SGCZ: variants seen among roughly 807,000 people sequenced by gnomAD.
SGCZ encodes the protein sarcoglycan zeta.
Under a neutral mutation model 41.3 loss-of-function variants are expected in SGCZ, and 40 were observed. The ratio of observed to expected loss-of-function variants is 0.97; its 90% confidence interval spans 0.75 to 1.26. SGCZ has a LOEUF of 1.26. SGCZ is among the 50% of genes most tolerant of loss of function. The probability of loss-of-function intolerance (pLI) is 0.00; values close to 1 mark genes in which losing one functional copy is unlikely to be tolerated. For synonymous variants in SGCZ, 206 were observed against 137.5 expected, an observed-to-expected ratio of 1.50 and a Z score of -3.49; for missense variants, 552 against 369.8, an observed-to-expected ratio of 1.49 and a Z score of -4.04.
Position 14,891,029 on chromosome 8 carries a change from A to T in SGCZ, c.40-336103T>A, listed in dbSNP as rs113982985. On this transcript the variant is annotated intron_variant, in intron 1 of 7. Transcript: ENST00000382080. Reference sequence around the variant, plus strand: ...AGAAAAACAAGATTCCTTTCTAAACATTCCTGCTTATTGACAATGCACCTA... The same window carrying T: ...AGAAAAACAAGATTCCTTTCTAAACTTTCCTGCTTATTGACAATGCACCTA... Among the ~76,000 whole-genome samples the T allele has an allele frequency of 2.0e-3, 303 of 152,316 alleles. 1 individual carries two copies. Among genetic ancestry groups the T allele is most frequent in the African/African-American group, 7.0e-3 (289 of 41,566 alleles).
intron 1 of SGCZ, among the ~76,000 whole-genome samples, chr8:15,224,861 G>A (rs750225987): frequency 6.6e-6 from 1 of 152,128 alleles, no homozygotes; most frequent in Non-Finnish European, 1.5e-5. Context: ...TAGCAGGGAT[G>A]AAGAAAGTCA....
intron 3 of SGCZ, among the ~76,000 whole-genome samples, chr8:14,318,558 G>A (rs77220419): frequency 0.036 from 5,532 of 152,036 alleles, 319 homozygotes; most frequent in African/African-American, 0.12. Flanking sequence ...ACAGTACATA[G>A]AGAGTGCTAG....
chr8:14,360,838 G>A (rs915438625), intron 2 of SGCZ, among the ~76,000 whole-genome samples: 30 of 152,068 alleles, frequency 2.0e-4, no homozygotes, highest in African/African-American at 7.0e-4. Context: ...TGCATGTTTA[G>A]TATTTTTTGA....
chr8:14,921,161 C>T (rs556367150), intron 1 of SGCZ, among the ~76,000 whole-genome samples: 2 of 152,166 alleles, frequency 1.3e-5, no homozygotes, highest in Non-Finnish European at 2.9e-5. Context: ...TCTGAATCTT[C>T]TCAACTCAGC....
intron 2 of SGCZ, among the ~76,000 whole-genome samples, chr8:14,522,211 A>G (rs892069954): frequency 6.6e-6 from 1 of 151,898 alleles, no homozygotes; most frequent in Non-Finnish European, 1.5e-5. Flanking sequence ...TATAAGGGAT[A>G]TTGGTTTGTA....
chr8:14,691,852 C>T (rs1164368922), intron 1 of SGCZ, among the ~76,000 whole-genome samples: 2 of 151,820 alleles, frequency 1.3e-5, no homozygotes, highest in African/African-American at 4.8e-5. Context: ...AAATGTCACC[C>T]TAATACATAA....
At chr8:14,583,758 T>A (rs186376602) in intron 1 of SGCZ, among the ~76,000 whole-genome samples, 24 of 152,294 alleles carry the variant, frequency 1.6e-4, no homozygotes, top group Middle Eastern at 3.4e-3. Flanking sequence ...ATGTCTATTA[T>A]TTATCAATAA....
At chr8:14,551,528 TATATAATATATATAATATATATA>T (rs1803839069) in intron 2 of SGCZ, among the ~76,000 whole-genome samples, 1 of 9,864 alleles carries the variant, frequency 1.0e-4, no homozygotes, top group Non-Finnish European at 1.6e-4. Flanking sequence ...ATATATAATA[TATATAATATATATAATATATATA>T]ATATATATTA....
chr8:14,527,263 C>T (rs1353084376), intron 2 of SGCZ, among the ~76,000 whole-genome samples: 2 of 152,050 alleles, frequency 1.3e-5, no homozygotes, highest in African/African-American at 4.8e-5. Flanking sequence ...ATGTATTTTC[C>T]ATGCTGTGTA....
At chr8:14,359,815 G>GAAA (rs1258410378) in intron 2 of SGCZ, among the ~76,000 whole-genome samples, 22 of 109,516 alleles carry the variant, frequency 2.0e-4, no homozygotes, top group African/African-American at 6.5e-4. Flanking sequence ...TACAAAAAAA[G>GAAA]AAAAAAAAAA....
chr8:14,305,152 A>C (rs1801310445), intron 3 of SGCZ, among the ~76,000 whole-genome samples: 1 of 152,184 alleles, frequency 6.6e-6, no homozygotes, highest in Non-Finnish European at 1.5e-5. Context: ...TTTTAATATA[A>C]CATTAAGTCA....
rs1047409408 is a variant in SGCZ at position 14,086,313 on chromosome 8, A to C, written c.*4130T>G. On this transcript the variant is annotated 3_prime_UTR_variant, in exon 8 of 8. Transcript: ENST00000382080. ...GACATTCTCTGCTATGAAATATAAC[A>C]CTCATATGCATTAGACGCTCTCCAG... Among the ~76,000 whole-genome samples, 7 of 151,654 alleles carry C rather than the reference A, an allele frequency of 4.6e-5. No individual in the cohort carries two copies. The highest frequency in any genetic ancestry group is 3.0e-5 in the Non-Finnish European group (2 of 67,744).
intron 1 of SGCZ, among the ~76,000 whole-genome samples, chr8:15,168,564 G>A (rs182944334): frequency 8.6e-5 from 13 of 151,838 alleles, no homozygotes; most frequent in East Asian, 2.0e-4. Context: ...GATGGAAGAC[G>A]GAGAGAAGAC....
At chr8:14,326,933 G>A (rs867908660) in intron 2 of SGCZ, among the ~76,000 whole-genome samples, 4 of 152,278 alleles carry the variant, frequency 2.6e-5, no homozygotes, top group Middle Eastern at 3.4e-3. Flanking sequence ...ACTCAAAAGT[G>A]AGGATTTGCT....
intron 2 of SGCZ, among the ~76,000 whole-genome samples, chr8:14,415,356 TA>T (rs1342321739): frequency 2.6e-5 from 4 of 151,844 alleles, no homozygotes; most frequent in African/African-American, 9.7e-5. Context: ...TTTCTCACTG[TA>T]AAAATTATAT....
chr8:14,216,362 C>T (rs1164865593), intron 4 of SGCZ, among the ~76,000 whole-genome samples: 2 of 152,040 alleles, frequency 1.3e-5, no homozygotes, highest in Non-Finnish European at 2.9e-5. Context: ...ATATCGTCTC[C>T]TCCGAATCAC....
intron 2 of SGCZ, among the ~76,000 whole-genome samples, chr8:14,458,713 C>G (rs1005255877): frequency 8.6e-5 from 13 of 151,978 alleles, no homozygotes; most frequent in East Asian, 7.7e-4. Flanking sequence ...ATCTACCTAC[C>G]TACCTACCTA....
At chr8:14,661,585 G>A (rs1390774554) in intron 1 of SGCZ, among the ~76,000 whole-genome samples, 1 of 152,054 alleles carries the variant, frequency 6.6e-6, no homozygotes, top group Non-Finnish European at 1.5e-5. Flanking sequence ...TTCTTGGGAG[G>A]TTAACAAACC....
intron 1 of SGCZ, among the ~76,000 whole-genome samples, chr8:14,689,211 A>C (rs2410208): frequency 1 from 151,684 of 152,120 alleles, 75,626 homozygotes; most frequent in Middle Eastern, 1. Context: ...ACTAATTTTA[A>C]TTGTTTATTT....
Sources: allele counts gnomAD v4.1 joint callset (sites outside exome capture counted in the v4.1 genomes callset), GRCh38; gene constraint gnomAD v4.1.1; transcripts MANE v1.5; gene names NCBI Gene and HGNC (gene_info 2026-07-23, HGNC 2026-07-21).